The following YTHDC2 variants were observed in gnomAD, a reference collection of about 807,000 sequenced individuals.
YTHDC2 encodes the protein 3'-5' RNA helicase YTHDC2.
A neutral mutation model predicts 174.9 loss-of-function variants in YTHDC2; 45 were observed. The ratio of observed to expected loss-of-function variants is 0.26; its 90% CI spans 0.20 to 0.33. YTHDC2 has a LOEUF of 0.33. Ranked by LOEUF, YTHDC2 falls within the 10% of genes least tolerant of loss-of-function variation. The probability of loss-of-function intolerance (pLI) is 1.00; values close to 1 mark genes in which losing one functional copy is unlikely to be tolerated. For synonymous variants in YTHDC2, 657 were observed against 574.5 expected (o/e 1.14, Z -2.05); for missense variants, 1,650 against 1,723.7 (o/e 0.96, Z 0.76).
At chr5:113,543,205 A>G (rs1329108155) in intron 10 of YTHDC2, among the ~76,000 whole-genome samples, 1 of 152,082 alleles carries the variant, frequency 6.6e-6, no homozygotes, top group Non-Finnish European at 1.5e-5. Flanking sequence ...CTCCAGTTGG[A>G]TGTCTGTTAG....
chr5:113,581,221 TTG>T (rs1554102280), intron 24 of YTHDC2, 194 bp from the exon 25 acceptor site: 1 of 463,152 alleles, frequency 2.2e-6, no homozygotes, highest in Non-Finnish European at 3.6e-6. Flanking sequence ...TAATTTGATT[TTG>T]TGTCTTAGTG....
intron 26 of YTHDC2, among the ~76,000 whole-genome samples, chr5:113,590,006 C>T (rs1023796841): frequency 3.9e-5 from 6 of 152,068 alleles, no homozygotes; most frequent in Admixed American, 1.3e-4. Flanking sequence ...ACATGAGAAA[C>T]GGGTTCAGAT....
In YTHDC2 at chr5:113,579,776, C is replaced by G. The variant is rs181000835; in HGVS notation, c.3354+81C>G. 1,992 of 1,383,966 alleles carry G rather than the reference C, an allele frequency of 1.4e-3. 2 individuals are homozygous for G. The highest frequency in any genetic ancestry group is 1.9e-3 in the Admixed American group (62 of 33,284). The allele number at this position is 1,383,966 out of a possible 1,614,324, so 85.7% of individuals were successfully genotyped here. The stretch of plus-strand genomic sequence containing the variant: ...ATATATAATATGATAAAATTTTTTT[C>G]TTTACTATTGAGCCCTTAGTATCAG... On this transcript the variant is annotated intron_variant, in intron 24 of 29. Transcript: ENST00000161863.
At position 113,593,331 on chromosome 5, in the gene YTHDC2, T is replaced by C. The variant is rs1169431133; in HGVS notation, c.4241T>C (p.Leu1414Ser). The change falls in exon 29 of 30, where the codon TTG becomes TCG. Residue 1414 changes from leucine (L) to serine (S), a missense_variant. By Grantham distance (145) the Leu-to-Ser change is moderately radical. Around this residue, in one of 5 missense-constraint regions of YTHDC2, gnomAD observed 913 missense variants for 940.4 expected, o/e 0.97. Transcript: ENST00000161863. ...CTAGAACCTCTGGTTGGTGAACAGTTGCTCCAGTTATGGGAACGTCTTCCC... is the reference window on the plus strand; with the variant it reads ...CTAGAACCTCTGGTTGGTGAACAGTCGCTCCAGTTATGGGAACGTCTTCCC... ...QELEPLVGEQ[L>S]LQLWERLPLG... The C allele has an allele frequency of 6.2e-7, 1 of 1,612,866 alleles. No individual in the cohort carries two copies. Among genetic ancestry groups the C allele is most frequent in the African/African-American group, 1.3e-5 (1 of 75,006 alleles).
chr5:113,582,472 G>A (rs1474946317), intron 25 of YTHDC2: 1 of 152,128 alleles, frequency 6.6e-6, no homozygotes, highest in South Asian at 2.1e-4. Flanking sequence ...CATTGGCCAT[G>A]ATTCAGAAGT....
At chr5:113,524,701 A>G (rs1352016410) in intron 2 of YTHDC2, among the ~76,000 whole-genome samples, 2 of 152,140 alleles carry the variant, frequency 1.3e-5, no homozygotes, top group Non-Finnish European at 2.9e-5. Context: ...TCTACCATGA[A>G]GTCTGCTAAA....
At chr5:113,544,331 A>G (rs905777265) in intron 10 of YTHDC2, among the ~76,000 whole-genome samples, 1 of 151,928 alleles carries the variant, frequency 6.6e-6, no homozygotes, top group East Asian at 1.9e-4. Flanking sequence ...TTGTATTTTT[A>G]GTAGAGACGG....
chr5:113,594,828 C>T lies in YTHDC2; in HGVS notation c.*1354C>T, dbSNP rs775555536. Reference sequence around the variant, plus strand: ...TTATATTTGAGAACACGTGAAAAATCATGGGTCAACATAAAATCTTGAGAA... The same window carrying T: ...TTATATTTGAGAACACGTGAAAAATTATGGGTCAACATAAAATCTTGAGAA... On this transcript the variant is annotated 3_prime_UTR_variant, in exon 30 of 30. Coordinates refer to ENST00000161863, the MANE Select transcript of YTHDC2 (RefSeq NM_022828.5). 1 of 152,102 alleles carries T rather than the reference C, an allele frequency of 6.6e-6. No individual in the cohort carries two copies. The highest frequency in any genetic ancestry group is 1.9e-4 in the East Asian group (1 of 5,198). 9.4% of individuals were successfully genotyped at this position (152,102 alleles called of 1,614,324 possible).
chr5:113,515,976 G>C (rs1773395076), intron 2 of YTHDC2, among the ~76,000 whole-genome samples: 1 of 152,154 alleles, frequency 6.6e-6, no homozygotes, highest in African/African-American at 2.4e-5. Flanking sequence ...GGTAAAGCAG[G>C]GGAAGGCGGA....
At chr5:113,593,184 G>T in intron 28 of YTHDC2, 119 bp from the exon 29 acceptor site, 2 of 679,114 alleles carry the variant, frequency 2.9e-6, no homozygotes, top group East Asian at 2.7e-5. Flanking sequence ...TTTAGCATAC[G>T]CTGGTAGGAA....
chr5:113,564,432 T>C (rs930028882), intron 20 of YTHDC2, among the ~76,000 whole-genome samples: 1 of 152,190 alleles, frequency 6.6e-6, no homozygotes, highest in African/African-American at 2.4e-5. Flanking sequence ...GGGCAAGGAA[T>C]GTTCTAAAAT....
At chr5:113,580,147 C>G (rs1254235745) in intron 24 of YTHDC2, among the ~76,000 whole-genome samples, 1 of 152,072 alleles carries the variant, frequency 6.6e-6, no homozygotes, top group African/African-American at 2.4e-5. Flanking sequence ...GATACCTAAT[C>G]CCATTCATGA....
rs1241604630 is a variant in YTHDC2, at chr5:113,528,163, C to CT, written c.675+1380dup. On this transcript the variant is annotated intron_variant, in intron 4 of 29. Coordinates refer to ENST00000161863, the MANE Select transcript of YTHDC2 (RefSeq NM_022828.5). The stretch of plus-strand genomic sequence containing the variant: ...TCTTTGTTTAAATTATTTGAATGTC[C>CT]TTGCTAATGATATCTATATATGAGA... Among the ~76,000 whole-genome samples, 2 of 151,948 alleles carry CT rather than the reference C, an allele frequency of 1.3e-5. 1 individual carries two copies. Among genetic ancestry groups the CT allele is most frequent in the Non-Finnish European group, 2.9e-5 (2 of 67,992 alleles).
chr5:113,575,576 G>A (rs1777989328), intron 23 of YTHDC2, among the ~76,000 whole-genome samples: 1 of 152,156 alleles, frequency 6.6e-6, no homozygotes, highest in South Asian at 2.1e-4. Context: ...CCAAGATTCT[G>A]TGCTAGGAAA....
At chr5:113,562,919 A>G (rs1315045417) in intron 18 of YTHDC2, among the ~76,000 whole-genome samples, 1 of 152,170 alleles carries the variant, frequency 6.6e-6, no homozygotes, top group African/African-American at 2.4e-5. Context: ...GCTTATTCAT[A>G]TTACAGTGTA....
chr5:113,548,708 A>T (rs749868721), intron 11 of YTHDC2, 41 bp downstream of exon 11: 1 of 1,542,672 alleles, frequency 6.5e-7, no homozygotes, highest in South Asian at 1.3e-5. Flanking sequence ...ATCTTTGTAT[A>T]GCTACACATA....
intron 23 of YTHDC2, among the ~76,000 whole-genome samples, chr5:113,569,279 C>G (rs994329883): frequency 6.6e-6 from 1 of 152,040 alleles, no homozygotes; most frequent in African/African-American, 2.4e-5. Context: ...AAATTTTCTC[C>G]CATTCTGTAG....
rs540582271 is a variant in YTHDC2 at position 113,541,420 on chromosome 5, T to C, written c.1359+304T>C. ...GTTAGCCAGGGTGGTCTTGATCTCC[T>C]GATCTCGTGATCCACCCGCCTCGGC... On this transcript the variant is annotated intron_variant, in intron 9 of 29. Coordinates refer to ENST00000161863, the MANE Select transcript of YTHDC2 (RefSeq NM_022828.5). 2.6e-5 allele frequency among the ~76,000 whole-genome samples: 4 copies of C among 152,218 alleles called. No homozygotes were observed. In the East Asian group the frequency reaches 7.8e-4, roughly 29 times the overall value.
intron 3 of YTHDC2, among the ~76,000 whole-genome samples, chr5:113,525,413 A>G (rs77971860): frequency 0.03 from 4,543 of 152,138 alleles, 88 homozygotes; most frequent in Middle Eastern, 0.12. Flanking sequence ...GCTACCATTT[A>G]CTGAGCATTA....
Sources: gnomAD v4.1 joint callset for allele counts (sites outside exome capture counted in the v4.1 genomes callset) on GRCh38, gnomAD v4.1.1 for gene constraint, gnomAD v4.1.1 regional missense constraint, MANE v1.5 for transcripts, NCBI Gene and HGNC (gene_info 2026-07-23, HGNC 2026-07-21) for gene names.